IFT88: variants seen among roughly 807,000 people sequenced by gnomAD.
IFT88 encodes intraflagellar transport 88, also known as intraflagellar transport protein 88 homolog.
IFT88 carries 74 observed loss-of-function variants against 119.5 expected under a neutral mutation model. The observed-to-expected ratio is 0.62, with a 90% CI of 0.51 to 0.75. The LOEUF (loss-of-function observed/expected upper bound fraction) is 0.75. Ranked by LOEUF, IFT88 falls within the 30% of genes least tolerant of loss-of-function variation. The pLI, the probability that IFT88 is intolerant of heterozygous loss-of-function variation, is 0.00. For missense variants in IFT88, 961 were observed against 977.7 expected, an observed-to-expected ratio of 0.98 and a Z score of 0.23; for synonymous variants, 279 against 316.7, an observed-to-expected ratio of 0.88 and a Z score of 1.26.
chr13:20,644,985 T>TA (rs2050514653), intron 20 of IFT88, 27 bp downstream of exon 20: 12 of 1,075,904 alleles, frequency 1.1e-5, no homozygotes, highest in Non-Finnish European at 9.9e-6. Context: ...ATTTTATGTT[T>TA]AGTTAATGTC....
At chr13:20,589,913 A>G in intron 4 of IFT88, 46 bp downstream of exon 4, 2 of 1,147,728 alleles carry the variant, frequency 1.7e-6, no homozygotes, top group South Asian at 2.7e-5. Context: ...TTTCTCATAC[A>G]ATAGTTCACT....
At chr13:20,658,540 A>G (rs981209721) in intron 22 of IFT88, among the ~76,000 whole-genome samples, 5 of 152,272 alleles carry the variant, frequency 3.3e-5, no homozygotes, top group African/African-American at 9.6e-5. Flanking sequence ...TTTAGAGATT[A>G]AATGAGAGAT....
intron 2 of IFT88, among the ~76,000 whole-genome samples, chr13:20,574,712 A>G (rs1330313396): frequency 2.0e-5 from 3 of 152,240 alleles, no homozygotes; most frequent in African/African-American, 4.8e-5. Context: ...ATATACTTGT[A>G]TTCTTCAGCA....
intron 18 of IFT88, chr13:20,642,974 A>G (rs980922510): frequency 6.7e-6 from 1 of 148,406 alleles, no homozygotes; most frequent in Non-Finnish European, 1.5e-5. Context: ...TGAATAAATT[A>G]TTTGTATATA....
At chr13:20,607,470 G>A (rs2043691934) in intron 13 of IFT88, 2 of 674,708 alleles carry the variant, frequency 3.0e-6, no homozygotes, top group Non-Finnish European at 5.5e-6. Context: ...ATCATCAGCG[G>A]CGTCCTGATG....
chr13:20,680,503 A>G (rs755845001), intron 24 of IFT88, among the ~76,000 whole-genome samples: 7 of 152,148 alleles, frequency 4.6e-5, no homozygotes, highest in Non-Finnish European at 8.8e-5. Context: ...CTGGGGGAAT[A>G]CTCATGGCGA....
chr13:20,607,888 C>A lies in IFT88; in HGVS notation c.1112+2783C>A, dbSNP rs749619948. ...CAACCCAGTCACCAGCACCAATGTCCTGGGCATAATGACTGCCATCCTCGG... is the reference window on the plus strand; with the variant it reads ...CAACCCAGTCACCAGCACCAATGTCATGGGCATAATGACTGCCATCCTCGG... On this transcript the variant is annotated intron_variant, in intron 13 of 25. Coordinates refer to ENST00000351808, the MANE Select transcript of IFT88 (RefSeq NM_006531.5). The A allele has an allele frequency of 2.6e-4, 183 of 704,738 alleles. 1 individual carries two copies. The Middle Eastern group carries it at 3.1e-3, about 12-fold the overall frequency. The allele number at this position is 704,738 out of a possible 1,614,324, so 43.7% of individuals were successfully genotyped here. A position where few individuals can be genotyped will look rare whatever the true frequency, so the allele number is the denominator to read the frequency against.
chr13:20,674,021 C>A (rs1224485671), intron 24 of IFT88, among the ~76,000 whole-genome samples: 1 of 152,140 alleles, frequency 6.6e-6, no homozygotes, highest in Non-Finnish European at 1.5e-5. Context: ...TGCATCATCC[C>A]AGACTTTTTC....
At chr13:20,580,354 C>T (rs1208900272) in intron 2 of IFT88, among the ~76,000 whole-genome samples, 4 of 152,026 alleles carry the variant, frequency 2.6e-5, no homozygotes, top group South Asian at 2.1e-4. Flanking sequence ...TCTGTCTCTA[C>T]TAAAATACAA....
At chr13:20,591,757 T>C (rs1035100202) in intron 6 of IFT88, 76 bp downstream of exon 6, 12 of 923,834 alleles carry the variant, frequency 1.3e-5, no homozygotes, top group Non-Finnish European at 2.0e-5. Flanking sequence ...TAAATATTAC[T>C]GTCATTTTAA....
At chr13:20,581,596 G>A (rs1018806566) in intron 2 of IFT88, among the ~76,000 whole-genome samples, 7 of 152,182 alleles carry the variant, frequency 4.6e-5, no homozygotes, top group Admixed American at 4.6e-4. Context: ...GGGCACAGCG[G>A]CTTATGCCTG....
intron 18 of IFT88, 149 bp downstream of exon 18, chr13:20,641,547 A>G: frequency 2.0e-6 from 1 of 504,304 alleles, no homozygotes; most frequent in Non-Finnish European, 3.5e-6. Context: ...TTATTGTGTG[A>G]TAAATATCAT....
chr13:20,582,468 T>C (rs2038886150), intron 2 of IFT88, among the ~76,000 whole-genome samples: 1 of 151,954 alleles, frequency 6.6e-6, no homozygotes, highest in Non-Finnish European at 1.5e-5. Context: ...AGATGAAAAA[T>C]CCTTTTCATT....
At chr13:20,609,247 A>G (rs898990416) in intron 13 of IFT88, among the ~76,000 whole-genome samples, 4 of 152,224 alleles carry the variant, frequency 2.6e-5, no homozygotes, top group African/African-American at 7.2e-5. Context: ...CAGTGTTTCA[A>G]AGCTTCGAGA....
At position 20,680,627 on chromosome 13, in the gene IFT88, G is replaced by T. The variant is rs547289771; in HGVS notation, c.2242+9588G>T. Among the ~76,000 whole-genome samples the T allele has an allele frequency of 7.2e-5, 11 of 152,238 alleles. No homozygotes were observed. The South Asian group carries it at 2.3e-3, about 32-fold the overall frequency. On this transcript the variant is annotated intron_variant, in intron 24 of 25. Coordinates refer to ENST00000351808, the MANE Select transcript of IFT88 (RefSeq NM_006531.5). ...CAACTTCTTGATCTGGCCCCAGGGG[G>T]GTGGCTGTGCCCGACCAGTGTTGCT...
At chr13:20,572,659 G>T (rs1239824790) in intron 1 of IFT88, among the ~76,000 whole-genome samples, 1 of 152,042 alleles carries the variant, frequency 6.6e-6, no homozygotes, top group Non-Finnish European at 1.5e-5. Context: ...AGCAGAAATC[G>T]CAGTGTATAT....
At chr13:20,584,479 A>G (rs2039281937) in intron 3 of IFT88, among the ~76,000 whole-genome samples, 1 of 152,200 alleles carries the variant, frequency 6.6e-6, no homozygotes, top group Non-Finnish European at 1.5e-5. Context: ...TTAAAGTGGC[A>G]TAAATATTGA....
chr13:20,656,643 G>A (rs2140635565), intron 22 of IFT88, among the ~76,000 whole-genome samples: 1 of 152,192 alleles, frequency 6.6e-6, no homozygotes, highest in Non-Finnish European at 1.5e-5. Context: ...ATATACCACA[G>A]AATTTTCTTT....
intron 23 of IFT88, among the ~76,000 whole-genome samples, chr13:20,665,334 T>C (rs1388400365): frequency 6.6e-6 from 1 of 152,162 alleles, no homozygotes; most frequent in Non-Finnish European, 1.5e-5. Context: ...TTTCCAGTTA[T>C]TACCAAAATG....
Sources: allele counts gnomAD v4.1 joint callset (sites outside exome capture counted in the v4.1 genomes callset), GRCh38; gene constraint gnomAD v4.1.1; transcripts MANE v1.5; gene names NCBI Gene and HGNC (gene_info 2026-07-23, HGNC 2026-07-21).